Variants in SLC1A2 observed in about 807,000 individuals in gnomAD.
SLC1A2 encodes solute carrier family 1 member 2, also known as excitatory amino acid transporter 2.
Under a neutral mutation model 48.8 loss-of-function variants are expected in SLC1A2, and 15 were observed. The observed-to-expected ratio is 0.31, with a 90% confidence interval of 0.21 to 0.47. SLC1A2 has a LOEUF of 0.47. SLC1A2 is among the 20% of genes least tolerant of loss of function. The probability of loss-of-function intolerance (pLI) is 0.99; values close to 1 mark genes in which losing one functional copy is unlikely to be tolerated. For synonymous variants in SLC1A2, 279 were observed against 272.6 expected (o/e 1.02, Z -0.23); for missense variants, 502 against 730.5 (o/e 0.69, Z 3.61).
chr11:35,339,377 A>G (rs935115374), intron 1 of SLC1A2, among the ~76,000 whole-genome samples: 4 of 152,232 alleles, frequency 2.6e-5, no homozygotes, highest in Non-Finnish European at 4.4e-5. Flanking sequence ...TATCCGTTCC[A>G]CAGGGCATCT....
At chr11:35,270,012 T>C (rs1354159271) in intron 9 of SLC1A2, among the ~76,000 whole-genome samples, 6 of 152,068 alleles carry the variant, frequency 3.9e-5, no homozygotes, top group Non-Finnish European at 8.8e-5. Context: ...GAGGCTGAGA[T>C]AGGAGAATCG....
intron 7 of SLC1A2, among the ~76,000 whole-genome samples, chr11:35,288,566 T>C (rs1420476682): frequency 6.6e-6 from 1 of 152,224 alleles, no homozygotes; most frequent in Non-Finnish European, 1.5e-5. Flanking sequence ...GGATTCTCGA[T>C]TGCAAGCATT....
chr11:35,363,150 T>C (rs560324778), intron 1 of SLC1A2, among the ~76,000 whole-genome samples: 1 of 152,272 alleles, frequency 6.6e-6, no homozygotes, highest in East Asian at 1.9e-4. Flanking sequence ...TTACTGTCTC[T>C]CTAGAGAAGG....
At chr11:35,375,798 T>C (rs1854207439) in intron 1 of SLC1A2, among the ~76,000 whole-genome samples, 2 of 152,118 alleles carry the variant, frequency 1.3e-5, no homozygotes. Flanking sequence ...GACTGAGTGA[T>C]CACCACCTGT....
At chr11:35,325,733 C>T (rs536673926) in intron 1 of SLC1A2, among the ~76,000 whole-genome samples, 4 of 151,976 alleles carry the variant, frequency 2.6e-5, no homozygotes, top group Non-Finnish European at 2.9e-5. Flanking sequence ...GAGGCTGAGG[C>T]GGGTAGATTG....
chr11:35,330,074 G>C (rs867080225), intron 1 of SLC1A2, among the ~76,000 whole-genome samples: 1 of 152,174 alleles, frequency 6.6e-6, no homozygotes, highest in Admixed American at 6.5e-5. Context: ...GCCTGAACAA[G>C]GTGCACACAC....
At chr11:35,380,582 C>G (rs1426525717) in intron 1 of SLC1A2, 1 of 395,184 alleles carries the variant, frequency 2.5e-6, no homozygotes, top group African/African-American at 2.1e-5. Context: ...GTTTGTCTCC[C>G]TCTTTCCCTT....
chr11:35,320,733 G>T (rs148535129), intron 1 of SLC1A2, among the ~76,000 whole-genome samples: 2 of 152,338 alleles, frequency 1.3e-5, no homozygotes, highest in East Asian at 1.9e-4. Context: ...ACTTCAGTCA[G>T]ATTTTGACCA....
chr11:35,266,572 A>G (rs1385596732), intron 9 of SLC1A2, among the ~76,000 whole-genome samples: 1 of 152,240 alleles, frequency 6.6e-6, no homozygotes, highest in East Asian at 1.9e-4. Context: ...CAGGAAAGCT[A>G]ATTAAATTCT....
At position 35,260,622 on chromosome 11, in the gene SLC1A2, G is replaced by T; in HGVS notation, c.*272C>A. On this transcript the variant is annotated 3_prime_UTR_variant, in exon 11 of 11. Coordinates refer to ENST00000278379, the MANE Select transcript of SLC1A2 (RefSeq NM_004171.4). Reference sequence around the variant, plus strand: ...AGAAAAGGGAAGCTGGCAAGAACGTGTCTTCAATTCCAACTGATTCCTCCA... The same window carrying T: ...AGAAAAGGGAAGCTGGCAAGAACGTTTCTTCAATTCCAACTGATTCCTCCA... 2.4e-6 allele frequency: 1 copy of T among 413,364 alleles called. No individual in the cohort carries two copies. Among genetic ancestry groups the T allele is most frequent in the Non-Finnish European group, 4.4e-6 (1 of 228,436 alleles). The allele number at this position is 413,364 out of a possible 1,614,324, so 25.6% of individuals were successfully genotyped here.
chr11:35,344,199 G>C (rs763581938), intron 1 of SLC1A2, among the ~76,000 whole-genome samples: 1 of 152,118 alleles, frequency 6.6e-6, no homozygotes, highest in East Asian at 1.9e-4. Context: ...ATACCATAGA[G>C]GCTTACATAC....
intron 1 of SLC1A2, among the ~76,000 whole-genome samples, chr11:35,377,899 T>C (rs1854296020): frequency 6.6e-6 from 1 of 152,254 alleles, no homozygotes; most frequent in African/African-American, 2.4e-5. Context: ...TTTATCCCAG[T>C]GTTGGCTTTT....
At chr11:35,353,676 A>G (rs1853348810) in intron 1 of SLC1A2, among the ~76,000 whole-genome samples, 1 of 152,220 alleles carries the variant, frequency 6.6e-6, no homozygotes. Flanking sequence ...CCCTAATAGC[A>G]AGGGTGGACA....
intron 1 of SLC1A2, among the ~76,000 whole-genome samples, chr11:35,401,800 T>C (rs1237347099): frequency 1.3e-5 from 2 of 152,140 alleles, no homozygotes; most frequent in East Asian, 3.8e-4. Flanking sequence ...CTTTAAAGTG[T>C]TGGAAACCTT....
intron 1 of SLC1A2, among the ~76,000 whole-genome samples, chr11:35,369,409 C>T (rs1198784896): frequency 6.6e-6 from 1 of 152,192 alleles, no homozygotes; most frequent in Admixed American, 6.5e-5. Context: ...TTACCAAGCT[C>T]CAGGTTCCTT....
chr11:35,295,399 G>A (rs553850082), intron 6 of SLC1A2, among the ~76,000 whole-genome samples: 1 of 152,184 alleles, frequency 6.6e-6, no homozygotes, highest in Admixed American at 6.5e-5. Flanking sequence ...GGGACTTCTG[G>A]GTTCCTGGGT....
chr11:35,264,875 C>A (rs1950454289), intron 10 of SLC1A2: 1 of 151,788 alleles, frequency 6.6e-6, no homozygotes, highest in Admixed American at 6.6e-5. Context: ...CTAGGTACAT[C>A]AGATGATGCT....
At chr11:35,381,106 C>A (rs1162474993) in intron 1 of SLC1A2, among the ~76,000 whole-genome samples, 1 of 152,006 alleles carries the variant, frequency 6.6e-6, no homozygotes, top group Non-Finnish European at 1.5e-5. Flanking sequence ...TCCTTTCATC[C>A]CTTTGTTTCT....
intron 10 of SLC1A2, 60 bp downstream of exon 10, chr11:35,265,465 TTA>T: frequency 1.2e-6 from 1 of 856,686 alleles, no homozygotes; most frequent in Non-Finnish European, 1.9e-6. Context: ...TTTTTTTTTT[TTA>T]AAGAAATCAA....
Sources: allele counts gnomAD v4.1 joint callset (sites outside exome capture counted in the v4.1 genomes callset), GRCh38; gene constraint gnomAD v4.1.1; transcripts MANE v1.5; gene names NCBI Gene and HGNC (gene_info 2026-07-23, HGNC 2026-07-21).